ASXL2: variants seen among roughly 807,000 people sequenced by gnomAD.
The protein encoded by ASXL2 is putative Polycomb group protein ASXL2.
A neutral mutation model predicts 122.0 loss-of-function variants in ASXL2; 23 were observed. The ratio of observed to expected loss-of-function variants is 0.19; its 90% CI spans 0.14 to 0.27. The LOEUF (loss-of-function observed/expected upper bound fraction) is 0.27, where lower values mean the gene tolerates loss of function less well. Ranked by LOEUF, ASXL2 falls within the 10% of genes least tolerant of loss-of-function variation. The pLI is 1.00. For missense variants in ASXL2, 1,518 were observed against 1,713.8 expected, an observed-to-expected ratio of 0.89 and a Z score of 2.02; for synonymous variants, 650 against 637.0, an observed-to-expected ratio of 1.02 and a Z score of -0.31.
intron 5 of ASXL2, among the ~76,000 whole-genome samples, chr2:25,787,254 G>T (rs1261385303): frequency 6.6e-6 from 1 of 152,184 alleles, no homozygotes; most frequent in Non-Finnish European, 1.5e-5. Flanking sequence ...GCAACCATGA[G>T]ATGAGGCAAT....
chr2:25,786,294 G>A (rs2088745120), intron 5 of ASXL2, among the ~76,000 whole-genome samples: 1 of 130,324 alleles, frequency 7.7e-6, no homozygotes, highest in African/African-American at 3.0e-5. Flanking sequence ...AGGCTGGAGT[G>A]CAGTAGTGCA....
intron 2 of ASXL2, among the ~76,000 whole-genome samples, chr2:25,843,849 GA>G (rs2089617780): frequency 1.4e-5 from 2 of 138,736 alleles, no homozygotes; most frequent in Non-Finnish European, 3.2e-5. Context: ...AAGAAAGAAA[GA>G]AAAAATGAGA....
Position 25,767,641 on chromosome 2 carries a change from T to C in ASXL2, c.717A>G (p.Glu239=), listed in dbSNP as rs2088373639. The C allele has an allele frequency of 6.2e-7, 1 of 1,613,988 alleles. No individual in the cohort carries two copies. The highest frequency in any genetic ancestry group is 1.3e-5 in the African/African-American group (1 of 75,066). The change falls in exon 8 of 13, where the codon GAA becomes GAG. Residue 239 remains glutamate, a synonymous_variant. Coordinates refer to ENST00000435504, the MANE Select transcript of ASXL2 (RefSeq NM_018263.6). The part of the protein sequence containing the change: ...NSSFSSSVKV[E]NTLLGLGKKS... ...TCTTCCCCAAGCCTAGTAAAGTATTTTCCACTTTAACTGAGGAAGAAAAGC... is the reference window on the plus strand; with the variant it reads ...TCTTCCCCAAGCCTAGTAAAGTATTCTCCACTTTAACTGAGGAAGAAAAGC...
intron 6 of ASXL2, 97 bp from the exon 7 acceptor site, chr2:25,768,965 C>A (rs1362996010): frequency 2.2e-6 from 3 of 1,346,316 alleles, no homozygotes; most frequent in South Asian, 1.6e-5. Flanking sequence ...GCATGCTGAT[C>A]GTTCAATTTC....
chr2:25,856,629 A>G, intron 1 of ASXL2: 1 of 1,246,698 alleles, frequency 8.0e-7, no homozygotes, highest in Non-Finnish European at 1.2e-6. Context: ...GTCAGCAATG[A>G]AAATGTCCTC....
chr2:25,860,061 C>T (rs1165163462), intron 1 of ASXL2, among the ~76,000 whole-genome samples: 4 of 152,136 alleles, frequency 2.6e-5, no homozygotes, highest in Non-Finnish European at 4.4e-5. Context: ...GTGGCTCACA[C>T]CTGTAATCCC....
chr2:25,834,130 A>G (rs758543854), intron 3 of ASXL2, among the ~76,000 whole-genome samples: 1 of 152,214 alleles, frequency 6.6e-6, no homozygotes, highest in Non-Finnish European at 1.5e-5. Flanking sequence ...AGGCGGGCAG[A>G]TCACTTGAGG....
intron 8 of ASXL2, 55 bp downstream of exon 8, chr2:25,767,528 C>T: frequency 3.8e-6 from 6 of 1,570,642 alleles, no homozygotes; most frequent in Non-Finnish European, 3.5e-6. Context: ...GAATTTCAAA[C>T]ATGTAGCTGA....
intron 5 of ASXL2, among the ~76,000 whole-genome samples, chr2:25,790,919 T>C (rs1204532926): frequency 6.7e-6 from 1 of 149,888 alleles, no homozygotes. Flanking sequence ...TCCTCCCACC[T>C]TGGCCTCCCA....
chr2:25,871,858 C>T (rs1400424550), intron 1 of ASXL2, among the ~76,000 whole-genome samples: 2 of 152,188 alleles, frequency 1.3e-5, no homozygotes, highest in Admixed American at 1.3e-4. Context: ...TCACCTTGTA[C>T]TAACAGACTT....
At position 25,741,911 on chromosome 2, in the gene ASXL2, T is replaced by TTA. The variant is rs2087833437; in HGVS notation, c.*117_*118insTA. 1.0e-6 allele frequency: 1 copy of TTA among 972,842 alleles called. No individual in the cohort carries two copies. The highest frequency in any genetic ancestry group is 1.6e-5 in the African/African-American group (1 of 61,252). The allele number at this position is 972,842 out of a possible 1,614,324, so 60.3% of individuals were successfully genotyped here. ...TGTATTCCTGATTAAGTAACATTTG[T>TTA]CTCTGAAGACAACTGAAACCTACTT... On this transcript the variant is annotated 3_prime_UTR_variant, in exon 13 of 13. Transcript: ENST00000435504.
intron 11 of ASXL2, 51 bp from the exon 12 acceptor site, chr2:25,750,464 G>A (rs532654865): frequency 3.1e-5 from 45 of 1,468,220 alleles, no homozygotes; most frequent in Middle Eastern, 3.6e-4. Flanking sequence ...CCCATGTTGC[G>A]AAAGCATTCA....
At chr2:25,771,334 A>C in intron 6 of ASXL2, 106 bp downstream of exon 6, 421 of 794,774 alleles carry the variant, frequency 5.3e-4, no homozygotes, top group Non-Finnish European at 6.8e-4. Flanking sequence ...TTCCACTGGC[A>C]AGGGCCCAAT....
Position 25,800,745 on chromosome 2 carries a change from G to A in ASXL2, c.253-1210C>T, listed in dbSNP as rs2088986118. Among the ~76,000 whole-genome samples the A allele has an allele frequency of 2.0e-5, 3 of 152,120 alleles. No individual in the cohort carries two copies. The South Asian group carries it at 6.2e-4, about 31-fold the overall frequency. ...ATGCTTCAGTTTCCCCATCTATAAG[G>A]TGGGGATAATAGTACCTACCTTAAA... On this transcript the variant is annotated intron_variant, in intron 4 of 12. Transcript: ENST00000435504.
chr2:25,786,496 C>T (rs2088749233), intron 5 of ASXL2, among the ~76,000 whole-genome samples: 1 of 152,032 alleles, frequency 6.6e-6, no homozygotes, highest in South Asian at 2.1e-4. Context: ...GTCTTGGCCT[C>T]CTGAAGTGCT....
chr2:25,839,614 C>CT (rs35346359), intron 2 of ASXL2, among the ~76,000 whole-genome samples: 40,905 of 106,760 alleles, frequency 0.38, 9,087 homozygotes, highest in Non-Finnish European at 0.51. Context: ...GAAATTCTAT[C>CT]TTTTTTTTTT....
intron 1 of ASXL2, among the ~76,000 whole-genome samples, chr2:25,860,366 G>C (rs2089829019): frequency 6.6e-6 from 1 of 151,794 alleles, no homozygotes; most frequent in South Asian, 2.1e-4. Flanking sequence ...AAAGCTTGTG[G>C]GATATAGCAA....
intron 1 of ASXL2, among the ~76,000 whole-genome samples, chr2:25,848,951 C>T (rs575535447): frequency 1.3e-5 from 2 of 149,182 alleles, no homozygotes; most frequent in South Asian, 4.2e-4. Context: ...GAGGCTGAGG[C>T]AGGAAAACCG....
At chr2:25,775,440 T>C (rs1412666657) in intron 5 of ASXL2, among the ~76,000 whole-genome samples, 1 of 152,172 alleles carries the variant, frequency 6.6e-6, no homozygotes, top group Non-Finnish European at 1.5e-5. Context: ...AAATCTCATC[T>C]TGAATTGTAA....
Sources: gnomAD v4.1 joint callset for allele counts (sites outside exome capture counted in the v4.1 genomes callset) on GRCh38, gnomAD v4.1.1 for gene constraint, MANE v1.5 for transcripts, NCBI Gene and HGNC (gene_info 2026-07-23, HGNC 2026-07-21) for gene names.